KIAA0825: variants seen among roughly 807,000 people sequenced by gnomAD.
The protein encoded by KIAA0825 is uncharacterized protein KIAA0825.
In KIAA0825, 119 loss-of-function variants were observed where a neutral mutation model predicts 147.6. That is an observed-to-expected ratio of 0.81 (90% CI 0.69 to 0.94). The LOEUF is 0.94. Ranked by LOEUF, KIAA0825 falls within the 40% of genes least tolerant of loss-of-function variation. KIAA0825 has a pLI of 0.00. For missense variants in KIAA0825, 1,381 were observed against 1,472.7 expected (o/e 0.94, Z 1.02); for synonymous variants, 470 against 518.1 (o/e 0.91, Z 1.26).
chr5:94,525,011 C>G (rs1264257646), intron 3 of KIAA0825, among the ~76,000 whole-genome samples: 1 of 151,762 alleles, frequency 6.6e-6, no homozygotes. Context: ...AGAGTGCCAT[C>G]TGCAGAGCCA....
At chr5:94,541,562 A>C (rs1773314030) in intron 2 of KIAA0825, among the ~76,000 whole-genome samples, 1 of 152,250 alleles carries the variant, frequency 6.6e-6, no homozygotes, top group South Asian at 2.1e-4. Flanking sequence ...GTGTGTGAAC[A>C]TGTTGGCTAA....
chr5:94,514,205 T>C (rs1223410624), intron 5 of KIAA0825, among the ~76,000 whole-genome samples: 1 of 152,156 alleles, frequency 6.6e-6, no homozygotes, highest in Non-Finnish European at 1.5e-5. Context: ...TTAACTCTGG[T>C]AAAAATGGTA....
Position 94,587,551 on chromosome 5 carries a change from C to T in KIAA0825, c.-152-4968G>A, listed in dbSNP as rs142364013. ...GCTCAACGAAATAAAAGAGAGAACA[C>T]AAACAAATGGAAGAACATTCCATGC... is the stretch of plus-strand genomic sequence containing the variant. On this transcript the variant is annotated intron_variant, in intron 1 of 20. Coordinates refer to ENST00000682413, the MANE Select transcript of KIAA0825 (RefSeq NM_001145678.3). Among the ~76,000 whole-genome samples the T allele has an allele frequency of 8.9e-3, 1,349 of 152,212 alleles. 15 individuals are homozygous for T. Among genetic ancestry groups the T allele is most frequent in the African/African-American group, 0.031 (1,272 of 41,520 alleles).
intron 20 of KIAA0825, among the ~76,000 whole-genome samples, chr5:94,245,046 T>C (rs924132629): frequency 6.6e-5 from 10 of 152,180 alleles, no homozygotes; most frequent in Non-Finnish European, 1.2e-4. Flanking sequence ...TTGATAGGTA[T>C]TGAAAATTAT....
intron 20 of KIAA0825, among the ~76,000 whole-genome samples, chr5:94,191,787 G>C (rs1770698949): frequency 6.6e-6 from 1 of 152,202 alleles, no homozygotes; most frequent in South Asian, 2.1e-4. Flanking sequence ...TTTGACACCA[G>C]CAAACCTATT....
At chr5:94,341,487 G>A (rs989418652) in intron 20 of KIAA0825, among the ~76,000 whole-genome samples, 2 of 152,132 alleles carry the variant, frequency 1.3e-5, no homozygotes, top group African/African-American at 2.4e-5. Flanking sequence ...TCTGAATCAC[G>A]GAATTGATCA....
intron 20 of KIAA0825, among the ~76,000 whole-genome samples, chr5:94,300,981 G>A (rs1003315432): frequency 1.3e-5 from 2 of 152,248 alleles, no homozygotes; most frequent in African/African-American, 2.4e-5. Flanking sequence ...GGTTTTACTC[G>A]ATACAGAGGA....
chr5:94,280,297 T>C (rs1447406438), intron 20 of KIAA0825, among the ~76,000 whole-genome samples: 2 of 152,110 alleles, frequency 1.3e-5, no homozygotes, highest in Admixed American at 6.6e-5. Flanking sequence ...CTCTGTACTA[T>C]ACCAGAAATA....
intron 7 of KIAA0825, among the ~76,000 whole-genome samples, chr5:94,474,924 C>A (rs1167155185): frequency 2.0e-5 from 3 of 152,182 alleles, no homozygotes; most frequent in Non-Finnish European, 4.4e-5. Context: ...CCGGTCTCTA[C>A]TAAAAATACA....
At chr5:94,246,914 T>G (rs1452342253) in intron 20 of KIAA0825, among the ~76,000 whole-genome samples, 1 of 152,188 alleles carries the variant, frequency 6.6e-6, no homozygotes, top group Non-Finnish European at 1.5e-5. Flanking sequence ...GTGATTTATT[T>G]TAAGCAGTGA....
chr5:94,380,465 T>C (rs1257719177), intron 20 of KIAA0825, among the ~76,000 whole-genome samples: 1 of 152,246 alleles, frequency 6.6e-6, no homozygotes, highest in African/African-American at 2.4e-5. Context: ...CTGTTCTAGG[T>C]AATGAAGACA....
intron 15 of KIAA0825, among the ~76,000 whole-genome samples, chr5:94,406,707 A>G (rs308203): frequency 0.49 from 73,795 of 152,058 alleles, 18,291 homozygotes; most frequent in African/African-American, 0.55. Context: ...GCTTTGTGGC[A>G]TTTTAACCTG....
intron 20 of KIAA0825, among the ~76,000 whole-genome samples, chr5:94,360,025 T>C (rs1744848357): frequency 6.6e-6 from 1 of 152,204 alleles, no homozygotes. Context: ...TAAGTGCTCA[T>C]TAGCCCTTCT....
chr5:94,226,363 C>A (rs1774166951), intron 20 of KIAA0825, among the ~76,000 whole-genome samples: 1 of 152,064 alleles, frequency 6.6e-6, no homozygotes, highest in South Asian at 2.1e-4. Context: ...AGTCAGGAAA[C>A]AACAGGTGCT....
At chr5:94,403,515 C>G (rs1205726330) in intron 16 of KIAA0825, 54 bp downstream of exon 16, 1 of 1,337,500 alleles carries the variant, frequency 7.5e-7, no homozygotes, top group African/African-American at 1.5e-5. Context: ...ATTACATACC[C>G]TAGAAAATTG....
chr5:94,338,760 A>G (rs935183952), intron 20 of KIAA0825, among the ~76,000 whole-genome samples: 1 of 152,142 alleles, frequency 6.6e-6, no homozygotes, highest in African/African-American at 2.4e-5. Context: ...ACGCACTATG[A>G]TGTTTGCAAA....
At chr5:94,484,682 TCAAGTAA>T in intron 6 of KIAA0825, 80 bp downstream of exon 6, 1 of 879,450 alleles carries the variant, frequency 1.1e-6, no homozygotes, top group Non-Finnish European at 1.6e-6. Context: ...TGTGTTTTTT[TCAAGTAA>T]TCGTTTTCAT....
chr5:94,467,328 A>G (rs1760673687), intron 10 of KIAA0825, among the ~76,000 whole-genome samples: 1 of 152,212 alleles, frequency 6.6e-6, no homozygotes, highest in African/African-American at 2.4e-5. Context: ...GCTAGTAAAC[A>G]TCTGTTATTT....
chr5:94,550,161 T>A (rs549355738), intron 2 of KIAA0825, among the ~76,000 whole-genome samples: 1 of 152,014 alleles, frequency 6.6e-6, no homozygotes, highest in Non-Finnish European at 1.5e-5. Flanking sequence ...AAGACAAACA[T>A]CATATGTGCT....
Sources: allele counts gnomAD v4.1 joint callset (sites outside exome capture counted in the v4.1 genomes callset), GRCh38; gene constraint gnomAD v4.1.1; transcripts MANE v1.5; gene names NCBI Gene and HGNC (gene_info 2026-07-23, HGNC 2026-07-21).